The following CASZ1 variants were observed in gnomAD, a reference collection of about 807,000 sequenced individuals.
CASZ1 encodes the protein zinc finger protein castor homolog 1.
In CASZ1, 28 loss-of-function variants were observed where a neutral mutation model predicts 135.2. The ratio of observed to expected loss-of-function variants is 0.21; its 90% CI spans 0.15 to 0.28. The LOEUF is 0.28. Among genes scored for constraint, CASZ1 ranks in the 10% least tolerant of loss-of-function variants. The pLI, the probability that CASZ1 is intolerant of heterozygous loss-of-function variation, is 1.00. For missense variants in CASZ1, 2,161 were observed against 2,453.3 expected (o/e 0.88, Z 2.52); for synonymous variants, 1,068 against 1,073.4 (o/e 0.99, Z 0.10).
In CASZ1 at chr1:10,700,588, C is replaced by T. The variant is rs1448850299; in HGVS notation, c.-24+4904G>A. ...GTGGGGTGGGGGTTAGCCAGGACAT[C>T]AAGCAATCCCTCATGGAGCACCAGC... On this transcript the variant is annotated intron_variant, in intron 3 of 20. Coordinates refer to ENST00000377022, the MANE Select transcript of CASZ1 (RefSeq NM_001079843.3). This position sits in a 1 kb window ranked among gnomAD's most constrained non-coding sequence, Gnocchi z 4.2. 6.6e-6 allele frequency among the ~76,000 whole-genome samples: 1 copy of T among 152,192 alleles called. No homozygotes were observed. The highest frequency in any genetic ancestry group is 1.9e-4 in the East Asian group (1 of 5,194).
rs1167721867 is a variant in CASZ1, at chr1:10,741,400, G to A, written c.-77+19301C>T. ...CTGGGGGTGGGGGCGGCAGGGCACA[G>A]GGAGCAGACACAGGTGCACACAAGC... On this transcript the variant is annotated intron_variant, in intron 2 of 20. Coordinates refer to ENST00000377022, the MANE Select transcript of CASZ1 (RefSeq NM_001079843.3). The surrounding 1 kb of genome is among the most constrained non-coding windows in gnomAD (Gnocchi z 5.0). Among the ~76,000 whole-genome samples, 1 of 152,226 alleles carries A rather than the reference G, an allele frequency of 6.6e-6. No individual in the cohort carries two copies. The highest frequency in any genetic ancestry group is 2.4e-5 in the African/African-American group (1 of 41,456).
At chr1:10,770,773 AG>A (rs1349381265) in intron 1 of CASZ1, among the ~76,000 whole-genome samples, 1 of 152,214 alleles carries the variant, frequency 6.6e-6, no homozygotes. Flanking sequence ...ATCATCACCT[AG>A]GTCTACATCT....
In CASZ1 at chr1:10,727,769, C is replaced by A. The variant is rs561593156; in HGVS notation, c.-76-22225G>T. 6.6e-5 allele frequency among the ~76,000 whole-genome samples: 10 copies of A among 152,332 alleles called. No homozygotes were observed. The South Asian group carries it at 1.2e-3, about 19-fold the overall frequency. On this transcript the variant is annotated intron_variant, in intron 2 of 20. Coordinates refer to ENST00000377022, the MANE Select transcript of CASZ1 (RefSeq NM_001079843.3). This position sits in a 1 kb window ranked among gnomAD's most constrained non-coding sequence, Gnocchi z 5.3. ...TGATCAGAGGCTGAGGAAGGCCAGG[C>A]AGCAGCTGCCAGGGCTGCCCTCAGC...
At chr1:10,775,937 C>T (rs1640654782) in intron 1 of CASZ1, among the ~76,000 whole-genome samples, 1 of 152,178 alleles carries the variant, frequency 6.6e-6, no homozygotes, top group South Asian at 2.1e-4. Context: ...GCTGCAGCCT[C>T]TCCGTGTGAT....
At chr1:10,749,069 G>A (rs942631727) in intron 2 of CASZ1, among the ~76,000 whole-genome samples, 3 of 152,170 alleles carry the variant, frequency 2.0e-5, no homozygotes, top group African/African-American at 7.2e-5. Flanking sequence ...TTGGGAATGG[G>A]TTGGGAGAAG....
At chr1:10,792,598 G>C (rs537555639) in intron 1 of CASZ1, among the ~76,000 whole-genome samples, 1 of 151,840 alleles carries the variant, frequency 6.6e-6, no homozygotes, top group South Asian at 2.1e-4. Flanking sequence ...ATAAATATCT[G>C]AGTCAGAGTC....
chr1:10,775,951 G>C lies in CASZ1; in HGVS notation c.-233-15094C>G, dbSNP rs148501316. ...CGCTGCAGCCTCTCCGTGTGATACT[G>C]TCTGCTTTCTGCCCTGAGCTCGTCT... On this transcript the variant is annotated intron_variant, in intron 1 of 20. Transcript: ENST00000377022. Among the ~76,000 whole-genome samples the C allele has an allele frequency of 2.6e-5, 4 of 152,258 alleles. No individual in the cohort carries two copies. In the East Asian group the frequency reaches 7.7e-4, roughly 29 times the overall value.
rs571253512 is a variant in CASZ1 at position 10,679,364 on chromosome 1, C to G, written c.17-13793G>C. On this transcript the variant is annotated intron_variant, in intron 4 of 20. Coordinates refer to ENST00000377022, the MANE Select transcript of CASZ1 (RefSeq NM_001079843.3). The surrounding 1 kb of genome is among the most constrained non-coding windows in gnomAD (Gnocchi z 4.7). ...CCAGCAGGCGGAAACACTCCCAACC[C>G]CGGACTTAGGCCCCTGTCAGAATAG... 6.6e-6 allele frequency among the ~76,000 whole-genome samples: 1 copy of G among 152,170 alleles called. No individual in the cohort carries two copies. Among genetic ancestry groups the G allele is most frequent in the African/African-American group, 2.4e-5 (1 of 41,432 alleles).
intron 4 of CASZ1, among the ~76,000 whole-genome samples, chr1:10,680,474 A>G (rs1224650107): frequency 1.3e-5 from 2 of 152,136 alleles, no homozygotes; most frequent in African/African-American, 2.4e-5. Context: ...ATATATCCTG[A>G]GCAGCTACTG....
intron 7 of CASZ1, 117 bp from the exon 8 acceptor site, chr1:10,656,853 GAA>G (rs1642816698): frequency 2.9e-6 from 2 of 678,324 alleles, no homozygotes; most frequent in East Asian, 5.5e-5. Flanking sequence ...GAGGGGAGGT[GAA>G]GTTGCAGAGG....
At chr1:10,779,270 A>C (rs980608115) in intron 1 of CASZ1, among the ~76,000 whole-genome samples, 4 of 139,634 alleles carry the variant, frequency 2.9e-5, no homozygotes, top group Admixed American at 2.9e-4. Flanking sequence ...ACTATCTCAT[A>C]ATTTTATAAT....
In CASZ1 at chr1:10,721,741, A is replaced by G. The variant is rs890557114; in HGVS notation, c.-76-16197T>C. ...CAGGAAGTGGACGGCCCCAGCCTCT[A>G]TCGGATCTGGCAGGCCTGGGGAGGC... On this transcript the variant is annotated intron_variant, in intron 2 of 20. Coordinates refer to ENST00000377022, the MANE Select transcript of CASZ1 (RefSeq NM_001079843.3). The surrounding 1 kb of genome is among the most constrained non-coding windows in gnomAD (Gnocchi z 5.4). Among the ~76,000 whole-genome samples, 2 of 152,202 alleles carry G rather than the reference A, an allele frequency of 1.3e-5. No homozygotes were observed. Among genetic ancestry groups the G allele is most frequent in the South Asian group, 2.1e-4 (1 of 4,828 alleles).
At chr1:10,731,578 TG>T (rs1314634303) in intron 2 of CASZ1, among the ~76,000 whole-genome samples, 1 of 152,150 alleles carries the variant, frequency 6.6e-6, no homozygotes, top group African/African-American at 2.4e-5. Context: ...AAAGAGACCC[TG>T]ACTTAAAAAC....
intron 2 of CASZ1, among the ~76,000 whole-genome samples, chr1:10,749,382 G>C (rs1640106948): frequency 1.3e-5 from 2 of 152,116 alleles, no homozygotes; most frequent in African/African-American, 2.4e-5. Flanking sequence ...TGAGTAGCTA[G>C]GACTACAGGC....
rs1401847527 is a variant in CASZ1 at position 10,700,374 on chromosome 1, C to A, written c.-24+5118G>T. 6.6e-6 allele frequency among the ~76,000 whole-genome samples: 1 copy of A among 152,196 alleles called. No individual in the cohort carries two copies. Among genetic ancestry groups the A allele is most frequent in the Non-Finnish European group, 1.5e-5 (1 of 68,030 alleles). On this transcript the variant is annotated intron_variant, in intron 3 of 20. Transcript: ENST00000377022. The surrounding 1 kb of genome is among the most constrained non-coding windows in gnomAD (Gnocchi z 4.2). ...TCTAGGAGCAGGGCTGGGGAGAAGC[C>A]AAGGGAGGGGTCCCAGGAGGGGAGG...
chr1:10,758,572 T>C (rs775426893), intron 2 of CASZ1, among the ~76,000 whole-genome samples: 1 of 152,170 alleles, frequency 6.6e-6, no homozygotes, highest in Non-Finnish European at 1.5e-5. Flanking sequence ...CCTCAAGTGA[T>C]CTGTCTGCCT....
chr1:10,679,800 A>G lies in CASZ1; in HGVS notation c.16+14074T>C, dbSNP rs1638354348. 6.6e-6 allele frequency among the ~76,000 whole-genome samples: 1 copy of G among 152,218 alleles called. No homozygotes were observed. The highest frequency in any genetic ancestry group is 1.5e-5 in the Non-Finnish European group (1 of 68,036). ...GGCCCAACCTGGGCTCCAGCTGATTAAGGATCTGCAACAGGATGTAGGGAT... is the reference window on the plus strand; with the variant it reads ...GGCCCAACCTGGGCTCCAGCTGATTGAGGATCTGCAACAGGATGTAGGGAT... On this transcript the variant is annotated intron_variant, in intron 4 of 20. Transcript: ENST00000377022. This position sits in a 1 kb window ranked among gnomAD's most constrained non-coding sequence, Gnocchi z 4.7.
chr1:10,705,740 C>G (rs1639157003), intron 2 of CASZ1, among the ~76,000 whole-genome samples, 196 bp from the exon 3 acceptor site: 1 of 152,260 alleles, frequency 6.6e-6, no homozygotes, highest in Non-Finnish European at 1.5e-5. Flanking sequence ...CAGGCATATG[C>G]CAGCCACAGT....
At chr1:10,708,394 T>A (rs555898955) in intron 2 of CASZ1, among the ~76,000 whole-genome samples, 1 of 152,180 alleles carries the variant, frequency 6.6e-6, no homozygotes, top group African/African-American at 2.4e-5. Flanking sequence ...TACCCACCCT[T>A]AATCTCTGAA....
Sources: allele counts gnomAD v4.1 joint callset (sites outside exome capture counted in the v4.1 genomes callset), GRCh38; gene constraint gnomAD v4.1.1; non-coding constraint Gnocchi (gnomAD v3.1); transcripts MANE v1.5; gene names NCBI Gene and HGNC (gene_info 2026-07-23, HGNC 2026-07-21).